The following NMNAT3 variants were observed in gnomAD, a reference collection of about 807,000 sequenced individuals.
NMNAT3 encodes the protein nicotinamide/nicotinic acid mononucleotide adenylyltransferase 3.
Under a neutral mutation model 24.8 loss-of-function variants are expected in NMNAT3, and 21 were observed. That is an observed-to-expected ratio of 0.85 (90% CI 0.60 to 1.22). The LOEUF (loss-of-function observed/expected upper bound fraction) is 1.22. Ranked by LOEUF, NMNAT3 falls within the 50% of genes most tolerant of loss-of-function variation. The pLI, the probability that NMNAT3 is intolerant of heterozygous loss-of-function variation, is 0.00. For synonymous variants in NMNAT3, 136 were observed against 155.2 expected, an observed-to-expected ratio of 0.88 and a Z score of 0.92; for missense variants, 387 against 436.6, an observed-to-expected ratio of 0.89 and a Z score of 1.01.
At chr3:139,615,649 G>T (rs1007716790) in intron 3 of NMNAT3, among the ~76,000 whole-genome samples, 2 of 152,048 alleles carry the variant, frequency 1.3e-5, no homozygotes, top group African/African-American at 4.8e-5. Context: ...AGTGAGATGC[G>T]TGACTTCCAT....
intron 1 of NMNAT3, among the ~76,000 whole-genome samples, chr3:139,648,579 A>G (rs965337137): frequency 1.8e-4 from 27 of 152,360 alleles, no homozygotes; most frequent in Admixed American, 1.2e-3. Context: ...AATTAACCTC[A>G]TAGTTTCGAT....
chr3:139,621,344 T>C (rs1246720568), intron 3 of NMNAT3, among the ~76,000 whole-genome samples: 1 of 152,196 alleles, frequency 6.6e-6, no homozygotes, highest in Admixed American at 6.5e-5. Context: ...TCTGTTCAAA[T>C]ATTTGGCCCA....
At chr3:139,637,738 C>T (rs2056553271) in intron 2 of NMNAT3, 1 of 152,216 alleles carries the variant, frequency 6.6e-6, no homozygotes, top group Non-Finnish European at 1.5e-5. Context: ...ATGTTCTCTT[C>T]CATGCCAACT....
intron 3 of NMNAT3, among the ~76,000 whole-genome samples, chr3:139,591,692 C>T (rs1397534852): frequency 1.3e-5 from 2 of 151,290 alleles, no homozygotes; most frequent in Admixed American, 6.6e-5. Context: ...CTGGGAGGCA[C>T]CCCCCAGCAG....
chr3:139,606,250 G>A (rs918259314), intron 3 of NMNAT3, among the ~76,000 whole-genome samples: 1 of 152,144 alleles, frequency 6.6e-6, no homozygotes, highest in Non-Finnish European at 1.5e-5. Flanking sequence ...GCTAATCAAG[G>A]ACAGCTCCTC....
intron 1 of NMNAT3, among the ~76,000 whole-genome samples, chr3:139,652,807 G>A (rs193127031): frequency 1.2e-4 from 19 of 152,238 alleles, no homozygotes; most frequent in South Asian, 4.1e-4. Context: ...TCTCTTCCTC[G>A]AGAGAAGCTG....
chr3:139,599,359 G>A, intron 3 of NMNAT3: 1 of 702,462 alleles, frequency 1.4e-6, no homozygotes, highest in Non-Finnish European at 2.6e-6. Flanking sequence ...GTGGGCACAA[G>A]CACAGTCTGG....
Position 139,641,614 on chromosome 3 carries a change from A to T in NMNAT3, c.-140-3552T>A, listed in dbSNP as rs115455572. Among the ~76,000 whole-genome samples, 952 of 152,346 alleles carry T rather than the reference A, an allele frequency of 6.2e-3. 11 individuals carry two copies. The highest frequency in any genetic ancestry group is 0.022 in the African/African-American group (919 of 41,580). On this transcript the variant is annotated intron_variant, in intron 1 of 6. Transcript: ENST00000643695. Reference sequence around the variant, plus strand: ...AGCCCAAGGAGGACATATGAAGGTAACAACCCCAAAATTAAGGCAGTGAAG... The same window carrying T: ...AGCCCAAGGAGGACATATGAAGGTATCAACCCCAAAATTAAGGCAGTGAAG...
intron 1 of NMNAT3, among the ~76,000 whole-genome samples, chr3:139,655,317 A>G (rs947729528): frequency 1.3e-5 from 2 of 152,158 alleles, no homozygotes; most frequent in South Asian, 2.1e-4. Flanking sequence ...TGATCAGTCT[A>G]TAAGTGATTA....
intron 2 of NMNAT3, among the ~76,000 whole-genome samples, chr3:139,632,525 G>T (rs1390115737): frequency 6.6e-6 from 1 of 152,214 alleles, no homozygotes; most frequent in Non-Finnish European, 1.5e-5. Context: ...CACTGCACTG[G>T]TTTTCAGAGT....
chr3:139,573,641 C>T lies in NMNAT3; in HGVS notation c.615G>A (p.Met205Ile), dbSNP rs1938797311. 21 of 1,606,734 alleles carry T rather than the reference C, an allele frequency of 1.3e-5. No individual in the cohort carries two copies. Among genetic ancestry groups the T allele is most frequent in the Non-Finnish European group, 1.6e-5 (19 of 1,177,114 alleles). The change falls in exon 6 of 7, where the codon ATG becomes ATA. Residue 205 changes from methionine to isoleucine, a missense_variant. Coordinates refer to ENST00000643695, the MANE Select transcript of NMNAT3 (RefSeq NM_001320510.2). ...GTGCCTTGCCATGGTCTGGGCCTTCCATCTGGGGTGGAGATCTGAGCAGTT... is the reference window on the plus strand; with the variant it reads ...GTGCCTTGCCATGGTCTGGGCCTTCTATCTGGGGTGGAGATCTGAGCAGTT...
intron 6 of NMNAT3, chr3:139,569,526 A>G (rs1426421740): frequency 1.3e-5 from 2 of 152,124 alleles, no homozygotes; most frequent in African/African-American, 2.4e-5. Context: ...GAGCTCTTTT[A>G]GGGCAGGCCT....
intron 3 of NMNAT3, among the ~76,000 whole-genome samples, chr3:139,622,363 T>C (rs1270959189): frequency 6.6e-6 from 1 of 150,448 alleles, no homozygotes; most frequent in Non-Finnish European, 1.5e-5. Context: ...ATATACCTGA[T>C]GGACGATTGT....
chr3:139,585,226 C>T (rs1317455284), intron 3 of NMNAT3, among the ~76,000 whole-genome samples: 1 of 152,016 alleles, frequency 6.6e-6, no homozygotes, highest in Non-Finnish European at 1.5e-5. Flanking sequence ...TCTATTTTGC[C>T]TTTCAGCTCT....
intron 1 of NMNAT3, among the ~76,000 whole-genome samples, chr3:139,662,848 C>CA (rs35066184): frequency 7.2e-4 from 109 of 152,282 alleles, no homozygotes; most frequent in African/African-American, 2.5e-3. Flanking sequence ...AATGACCCCC[C>CA]AATCAATATT....
At chr3:139,644,849 G>T (rs1359096242) in intron 1 of NMNAT3, among the ~76,000 whole-genome samples, 1 of 152,152 alleles carries the variant, frequency 6.6e-6, no homozygotes, top group Non-Finnish European at 1.5e-5. Context: ...CTAGTGAAAA[G>T]ACACAGAAGG....
chr3:139,639,765 TTAACTTGTTAGCTTGCAAGTAGGG>T (rs1297868396), intron 1 of NMNAT3, among the ~76,000 whole-genome samples: 1 of 152,194 alleles, frequency 6.6e-6, no homozygotes, highest in East Asian at 1.9e-4. Context: ...CTGTGGCAGG[TTAACTTGTTAGCTTGCAAGTAGGG>T]TAAAATTTCA....
intron 6 of NMNAT3, chr3:139,567,864 T>C (rs2108015339): frequency 6.6e-6 from 1 of 152,298 alleles, no homozygotes; most frequent in Non-Finnish European, 1.5e-5. Context: ...ATAAAATGAG[T>C]TAGGGAGGAT....
chr3:139,573,608 C>G lies in NMNAT3; in HGVS notation c.648G>C (p.Ser216=). The G allele has an allele frequency of 1.3e-6, 2 of 1,594,086 alleles. No individual in the cohort carries two copies. Residue 216 remains serine, a synonymous_variant, in exon 6 of 7, where the codon TCG becomes TCC. Transcript: ENST00000643695. ...AGGATCAGCACCCACCTGCAGGGGT[C>G]GAGAAGAGTGCCTTGCCATGGTCTG...
Sources: allele counts gnomAD v4.1 joint callset (sites outside exome capture counted in the v4.1 genomes callset), GRCh38; gene constraint gnomAD v4.1.1; transcripts MANE v1.5; gene names NCBI Gene and HGNC (gene_info 2026-07-23, HGNC 2026-07-21).